The following PRMT8 variants were observed in gnomAD, a reference collection of about 807,000 sequenced individuals.
PRMT8 encodes the protein protein arginine methyltransferase 8, also known as protein arginine N-methyltransferase 8.
PRMT8 carries 7 observed loss-of-function variants against 47.1 expected under a neutral mutation model. The observed-to-expected ratio is 0.15, with a 90% CI of 0.08 to 0.28. PRMT8 has a LOEUF of 0.28. PRMT8 is among the 10% of genes least tolerant of loss of function. The pLI, the probability that PRMT8 is intolerant of heterozygous loss-of-function variation, is 1.00. For synonymous variants in PRMT8, 188 were observed against 186.5 expected, an observed-to-expected ratio of 1.01 and a Z score of -0.07; for missense variants, 237 against 505.4, an observed-to-expected ratio of 0.47 and a Z score of 5.09.
At position 3,538,377 on chromosome 12, in the gene PRMT8, G is replaced by T. The variant is rs1370790101; in HGVS notation, c.76-2229G>T. 2.7e-5 allele frequency: 8 copies of T among 299,944 alleles called. No homozygotes were observed. The highest frequency in any genetic ancestry group is 3.3e-5 in the South Asian group (1 of 30,596). 18.6% of individuals were successfully genotyped at this position (299,944 alleles called of 1,614,324 possible). A position where few individuals can be genotyped will look rare whatever the true frequency, so the allele number is the denominator to read the frequency against. On this transcript the variant is annotated intron_variant, in intron 1 of 9. Coordinates refer to ENST00000382622, the MANE Select transcript of PRMT8 (RefSeq NM_019854.5). The surrounding 1 kb of genome is among the most constrained non-coding windows in gnomAD (Gnocchi z 4.6). ...TCTATTTCTTCCACAGGACCTGCAC[G>T]CTGCCTTGCTGTTGGAGATCTGTGC... is the stretch of plus-strand genomic sequence containing the variant.
intron 7 of PRMT8, among the ~76,000 whole-genome samples, chr12:3,581,798 C>T (rs894369610): frequency 6.6e-6 from 1 of 152,224 alleles, no homozygotes; most frequent in African/African-American, 2.4e-5. Context: ...TAGGAGGACT[C>T]TGATCTCATT....
chr12:3,539,940 C>G (rs548253723), intron 1 of PRMT8, among the ~76,000 whole-genome samples: 1 of 152,326 alleles, frequency 6.6e-6, no homozygotes, highest in South Asian at 2.1e-4. Flanking sequence ...GTATCCTCTT[C>G]TAGCTTGATG....
chr12:3,462,129 T>G (rs1477552011), intron 1 of PRMT8, among the ~76,000 whole-genome samples: 2 of 152,036 alleles, frequency 1.3e-5, no homozygotes, highest in African/African-American at 4.8e-5. Flanking sequence ...CACTTATAAG[T>G]GAGAACTTGC....
chr12:3,540,633 C>G lies in PRMT8; in HGVS notation c.103C>G (p.Gln35Glu), dbSNP rs779216947. 1.9e-6 allele frequency: 3 copies of G among 1,553,210 alleles called. No individual in the cohort carries two copies. In the East Asian group the frequency reaches 6.8e-5, roughly 35 times the overall value. Reference sequence around the variant, plus strand: ...GAACAGCCCCCCCTCCCAGCCCCCCCAGCCCGTCGTCCCTGCTAAGCCCGT... The same window carrying G: ...GAACAGCCCCCCCTCCCAGCCCCCCGAGCCCGTCGTCCCTGCTAAGCCCGT... ...EVNSPPSQPP[Q>E]PVVPAKPVQC... Residue 35 changes from glutamine (Q) to glutamate (E), a missense_variant, in exon 2 of 10, where the codon CAG becomes GAG. Coordinates refer to ENST00000382622, the MANE Select transcript of PRMT8 (RefSeq NM_019854.5).
chr12:3,587,385 A>C (rs901889888), intron 8 of PRMT8, among the ~76,000 whole-genome samples: 2 of 151,598 alleles, frequency 1.3e-5, no homozygotes, highest in African/African-American at 4.8e-5. Flanking sequence ...TTAATATTAA[A>C]AATAAATTGT....
intron 4 of PRMT8, among the ~76,000 whole-genome samples, chr12:3,568,090 T>A (rs1419111503): frequency 1.3e-5 from 2 of 150,930 alleles, no homozygotes; most frequent in African/African-American, 4.9e-5. Flanking sequence ...AAAAAAAAAT[T>A]AACACATATC....
Position 3,540,612 on chromosome 12 carries a change from A to AGCCCCCCCG in PRMT8, c.90_91insGGCCCCCCC (p.Pro30_Ser31insGlyProPro). The AGCCCCCCCG allele has an allele frequency of 2.7e-6, 3 of 1,131,134 alleles. No individual in the cohort carries two copies. The highest frequency in any genetic ancestry group is 4.0e-6 in the Non-Finnish European group (3 of 749,220). The allele number at this position is 1,131,134 out of a possible 1,614,324, so 70.1% of individuals were successfully genotyped here. A position where few individuals can be genotyped will look rare whatever the true frequency, so the allele number is the denominator to read the frequency against. On this transcript the variant is annotated inframe_insertion, in exon 2 of 10. Transcript: ENST00000382622. Reference sequence around the variant, plus strand: ...CCCCTTCTCTTCCCCTCAGGTGAACAGCCCCCCCTCCCAGCCCCCCCAGCC... The same window carrying AGCCCCCCCG: ...CCCCTTCTCTTCCCCTCAGGTGAACAGCCCCCCCGGCCCCCCCTCCCAGCCCCCCCAGCC...
At chr12:3,398,196 T>C (rs1048703004) in intron 1 of PRMT8, among the ~76,000 whole-genome samples, 4 of 152,232 alleles carry the variant, frequency 2.6e-5, no homozygotes, top group Admixed American at 2.6e-4. Context: ...AGCTGTAGAC[T>C]GGAGCTGTTC....
intron 7 of PRMT8, among the ~76,000 whole-genome samples, chr12:3,582,638 G>C (rs573839850): frequency 8.5e-5 from 13 of 152,188 alleles, no homozygotes; most frequent in Non-Finnish European, 1.9e-4. Context: ...CCCAGGTACT[G>C]TTGATGCTGA....
Position 3,583,285 on chromosome 12 carries a change from G to C in PRMT8, c.979+77G>C. ...AGTCTTTGTGGGGTGACCAGAGCTG[G>C]CCTTGACTTGGGGAGAAGGGGCTGG... On this transcript the variant is annotated intron_variant, in intron 8 of 9. Transcript: ENST00000382622. This position sits in a 1 kb window ranked among gnomAD's most constrained non-coding sequence, Gnocchi z 4.7. 1 of 1,469,642 alleles carries C rather than the reference G, an allele frequency of 6.8e-7. No homozygotes were observed. The highest frequency in any genetic ancestry group is 1.4e-5 in the South Asian group (1 of 73,132). The allele number at this position is 1,469,642 out of a possible 1,614,324, so 91.0% of individuals were successfully genotyped here. A position where few individuals can be genotyped will look rare whatever the true frequency, so the allele number is the denominator to read the frequency against.
chr12:3,400,342 C>A (rs559490764), intron 1 of PRMT8, among the ~76,000 whole-genome samples: 1 of 152,110 alleles, frequency 6.6e-6, no homozygotes, highest in Non-Finnish European at 1.5e-5. Context: ...CACCATTGAC[C>A]CCACAGAAAT....
intron 5 of PRMT8, 150 bp downstream of exon 5, chr12:3,568,998 G>GATAACAGACATCCGTTCTC: frequency 9.0e-7 from 1 of 1,115,802 alleles, no homozygotes; most frequent in Non-Finnish European, 1.3e-6. Context: ...GAGCAGATCT[G>GATAACAGACATCCGTTCTC]TATCAGGGAA....
Position 3,492,504 on chromosome 12 carries a change from G to A in PRMT8, c.75+804G>A, listed in dbSNP as rs1156927001. ...TCCCGCAAGGGCTTTTGAGGAGGTC[G>A]CTCTAGCTCCGCAAATTGTGTTCTC... On this transcript the variant is annotated intron_variant, in intron 1 of 9. Coordinates refer to ENST00000382622, the MANE Select transcript of PRMT8 (RefSeq NM_019854.5). The surrounding 1 kb of genome is among the most constrained non-coding windows in gnomAD (Gnocchi z 7.5). Among the ~76,000 whole-genome samples the A allele has an allele frequency of 6.6e-6, 1 of 152,176 alleles. No individual in the cohort carries two copies. The highest frequency in any genetic ancestry group is 1.5e-5 in the Non-Finnish European group (1 of 68,024).
At chr12:3,415,740 A>G (rs1382282222) in intron 1 of PRMT8, among the ~76,000 whole-genome samples, 3 of 152,270 alleles carry the variant, frequency 2.0e-5, no homozygotes, top group Admixed American at 6.5e-5. Context: ...GAAAGGAATC[A>G]GTACATCTTC....
chr12:3,452,704 C>T, intron 1 of PRMT8, among the ~76,000 whole-genome samples: 1 of 152,212 alleles, frequency 6.6e-6, no homozygotes. Context: ...GGCCTCTTCC[C>T]AGGACTTCTG....
In PRMT8 at chr12:3,460,366, A is replaced by G. The variant is rs1023298515; in HGVS notation, c.48+78924A>G. Among the ~76,000 whole-genome samples, 3 of 152,230 alleles carry G rather than the reference A, an allele frequency of 2.0e-5. No individual in the cohort carries two copies. In the East Asian group the frequency reaches 5.8e-4, roughly 29 times the overall value. On this transcript the variant is annotated intron_variant, in intron 1 of 9. Coordinates refer to the PRMT8 transcript ENST00000452611. ...CCTGTCATTCCTAGGAAATTCTGTG[A>G]GATCATGGACATCACCGGCTTCTAA...
In PRMT8 at chr12:3,587,226, C is replaced by A. The variant is rs139602295; in HGVS notation, c.979+4018C>A. On this transcript the variant is annotated intron_variant, in intron 8 of 9. Transcript: ENST00000382622. ...TTAATATAATGAATATCCATGAACT[C>A]ACCACATAACTCAGCAACTAGAATA... 9.2e-4 allele frequency among the ~76,000 whole-genome samples: 137 copies of A among 148,152 alleles called. 1 individual carries two copies. The highest frequency in any genetic ancestry group is 3.2e-3 in the African/African-American group (132 of 40,754).
At chr12:3,460,788 T>C (rs1865032947) in intron 1 of PRMT8, among the ~76,000 whole-genome samples, 1 of 152,172 alleles carries the variant, frequency 6.6e-6, no homozygotes, top group Non-Finnish European at 1.5e-5. Context: ...ACCATGCTCG[T>C]GGGGCAATGG....
intron 1 of PRMT8, among the ~76,000 whole-genome samples, chr12:3,442,002 A>G (rs1864808280): frequency 1.3e-5 from 2 of 152,218 alleles, no homozygotes; most frequent in African/African-American, 4.8e-5. Flanking sequence ...CAAACCGAAC[A>G]ACTATCCAGA....
Sources: gnomAD v4.1 joint callset for allele counts (sites outside exome capture counted in the v4.1 genomes callset) on GRCh38, gnomAD v4.1.1 for gene constraint, Gnocchi (gnomAD v3.1) non-coding constraint, MANE v1.5 for transcripts, NCBI Gene and HGNC (gene_info 2026-07-23, HGNC 2026-07-21) for gene names.